The following XPOT variants were observed in gnomAD, a reference collection of about 807,000 sequenced individuals.
XPOT encodes the protein exportin-T.
Under a neutral mutation model 128.2 loss-of-function variants are expected in XPOT, and 34 were observed. The ratio of observed to expected loss-of-function variants is 0.27; its 90% CI spans 0.20 to 0.35. The LOEUF is 0.35. Among genes scored for constraint, XPOT ranks in the 10% least tolerant of loss-of-function variants. XPOT has a pLI of 1.00. For synonymous variants in XPOT, 348 were observed against 394.3 expected (o/e 0.88, Z 1.39); for missense variants, 838 against 1,125.3 (o/e 0.74, Z 3.65).
At chr12:64,437,318 T>C (rs1383621035) in intron 22 of XPOT, among the ~76,000 whole-genome samples, 1 of 152,188 alleles carries the variant, frequency 6.6e-6, no homozygotes, top group Non-Finnish European at 1.5e-5. Context: ...TTAGTGGAGA[T>C]ACATAAAATA....
chr12:64,435,822 A>AT (rs2040277768), intron 22 of XPOT, 148 bp downstream of exon 22: 3 of 681,328 alleles, frequency 4.4e-6, no homozygotes, highest in Non-Finnish European at 6.7e-6. Context: ...AGCAGTATCC[A>AT]TTTATTGTCC....
At chr12:64,422,136 C>T (rs2040144395) in intron 9 of XPOT, among the ~76,000 whole-genome samples, 2 of 152,130 alleles carry the variant, frequency 1.3e-5, no homozygotes, top group Admixed American at 1.3e-4. Flanking sequence ...AAAGTTTCCC[C>T]CACTTCCAGA....
At chr12:64,411,692 C>T (rs1056903993) in intron 2 of XPOT, among the ~76,000 whole-genome samples, 21 of 152,152 alleles carry the variant, frequency 1.4e-4, no homozygotes, top group African/African-American at 5.1e-4. Flanking sequence ...CCTTTTGTTG[C>T]AGTTCGGGAG....
At chr12:64,405,601 T>C (rs1426339320) in intron 1 of XPOT, among the ~76,000 whole-genome samples, 1 of 152,224 alleles carries the variant, frequency 6.6e-6, no homozygotes, top group Admixed American at 6.5e-5. Context: ...GTTTACCGTA[T>C]TGAAACATTT....
chr12:64,428,445 A>G (rs2040211027), intron 16 of XPOT, among the ~76,000 whole-genome samples: 2 of 152,312 alleles, frequency 1.3e-5, no homozygotes, highest in South Asian at 4.1e-4. Context: ...AAAGAAAATA[A>G]AAATTTAAAA....
rs1446646679 is a variant in XPOT, at chr12:64,450,529, A to G, written c.*2398A>G. 1.3e-5 allele frequency: 2 copies of G among 152,222 alleles called. No individual in the cohort carries two copies. The highest frequency in any genetic ancestry group is 1.3e-4 in the Admixed American group (2 of 15,280). The allele number at this position is 152,222 out of a possible 1,614,324, so 9.4% of individuals were successfully genotyped here. A position where few individuals can be genotyped will look rare whatever the true frequency, so the allele number is the denominator to read the frequency against. On this transcript the variant is annotated 3_prime_UTR_variant, in exon 25 of 25. Transcript: ENST00000332707. ...CTCTGCAGAAGATTTACATGTGTTT[A>G]TAGAGCTAAGAGAAATCAGGGCATG...
chr12:64,425,922 T>C lies in XPOT; in HGVS notation c.1667+13T>C. The stretch of plus-strand genomic sequence containing the variant: ...TCAAATCTCTCAAGTAAGTATAAAA[T>C]TGCAGCTATTATGTTTAGTTATTTT... On this transcript the variant is annotated intron_variant, in intron 15 of 24. Coordinates refer to ENST00000332707, the MANE Select transcript of XPOT (RefSeq NM_007235.6). 6.2e-7 allele frequency: 1 copy of C among 1,604,756 alleles called. No individual in the cohort carries two copies. The highest frequency in any genetic ancestry group is 1.3e-5 in the African/African-American group (1 of 74,814).
Position 64,430,132 on chromosome 12 carries a change from A to C in XPOT, c.1821A>C (p.Glu607Asp). 1 of 1,613,954 alleles carries C rather than the reference A, an allele frequency of 6.2e-7. No homozygotes were observed. The highest frequency in any genetic ancestry group is 8.5e-7 in the Non-Finnish European group (1 of 1,179,868). The change falls in exon 17 of 25, where the codon GAA becomes GAC. Residue 607 changes from glutamate (E) to aspartate (D), a missense_variant. Coordinates refer to ENST00000332707, the MANE Select transcript of XPOT (RefSeq NM_007235.6). The part of the protein sequence containing the change: ...ETAGVLIVNS[E>D]YPAERKQALM... Reference sequence around the variant, plus strand: ...CTGGAGTGCTGATTGTTAATAGTGAATATCCGGCAGAAAGGAAACAAGCCT... The same window carrying C: ...CTGGAGTGCTGATTGTTAATAGTGACTATCCGGCAGAAAGGAAACAAGCCT...
intron 2 of XPOT, among the ~76,000 whole-genome samples, chr12:64,410,559 C>T (rs1480081231): frequency 1.3e-5 from 2 of 152,000 alleles, no homozygotes; most frequent in African/African-American, 2.4e-5. Context: ...TGAGCTCAAG[C>T]GATCTGCCCA....
chr12:64,429,521 A>G (rs977995434), intron 16 of XPOT, among the ~76,000 whole-genome samples: 3 of 150,468 alleles, frequency 2.0e-5, no homozygotes, highest in African/African-American at 4.9e-5. Context: ...TTGACTCACT[A>G]CAACTCTACC....
intron 2 of XPOT, among the ~76,000 whole-genome samples, chr12:64,414,291 T>TAA (rs1198398796): frequency 6.6e-6 from 1 of 152,176 alleles, no homozygotes; most frequent in East Asian, 1.9e-4. Context: ...AACTTAGAGA[T>TAA]AAAAAACTTC....
Position 64,445,140 on chromosome 12 carries a change from T to C in XPOT, c.2862+9T>C. On this transcript the variant is annotated intron_variant, in intron 24 of 24. Transcript: ENST00000332707. ...TTAAAAATTACTTAAAGGTAGGTAT[T>C]TGTGAAGCTCACGTATCTTCATACA... 1 of 1,605,626 alleles carries C rather than the reference T, an allele frequency of 6.2e-7. No homozygotes were observed. The highest frequency in any genetic ancestry group is 2.2e-5 in the East Asian group (1 of 44,778).
At chr12:64,436,033 G>A (rs55795513) in intron 22 of XPOT, among the ~76,000 whole-genome samples, 63,779 of 150,902 alleles carry the variant, frequency 0.42, 15,970 homozygotes, top group Non-Finnish European at 0.56. Flanking sequence ...CTCGGCTCAC[G>A]GCGACCCCTG....
Position 64,448,097 on chromosome 12 carries a change from A to G in XPOT, c.2863-8A>G. On this transcript the variant is annotated splice_region_variant and splice_polypyrimidine_tract_variant and intron_variant, in intron 24 of 24. Transcript: ENST00000332707. ...TTAGTATTGATTGCATTAATACTTT[A>G]TTTACAGGTGTTCTTCCAGAGAGCA... 1 of 1,613,540 alleles carries G rather than the reference A, an allele frequency of 6.2e-7. No individual in the cohort carries two copies. Among genetic ancestry groups the G allele is most frequent in the Non-Finnish European group, 8.5e-7 (1 of 1,179,490 alleles).
In XPOT at chr12:64,420,206, T is replaced by G; in HGVS notation, c.626T>G (p.Val209Gly). ...SEVTCQCLEV[V>G]GAYVSWIDLS... Reference sequence around the variant, plus strand: ...GTGACGTGTCAGTGCCTTGAAGTAGTTGGGGCTTATGTCTCTTGGATAGAC... The same window carrying G: ...GTGACGTGTCAGTGCCTTGAAGTAGGTGGGGCTTATGTCTCTTGGATAGAC... The change falls in exon 7 of 25, where the codon GTT becomes GGT. Residue 209 changes from valine to glycine, a missense_variant. Physicochemically the swap from Val to Gly is moderately radical, Grantham distance 109. Transcript: ENST00000332707. The G allele has an allele frequency of 1.2e-6, 2 of 1,610,428 alleles. No homozygotes were observed. Among genetic ancestry groups the G allele is most frequent in the Non-Finnish European group, 1.7e-6 (2 of 1,178,814 alleles).
At chr12:64,447,267 T>C (rs1486485266) in intron 24 of XPOT, among the ~76,000 whole-genome samples, 1 of 152,192 alleles carries the variant, frequency 6.6e-6, no homozygotes, top group African/African-American at 2.4e-5. Context: ...ATCATTGTCC[T>C]TACTGAGAAC....
At position 64,424,698 on chromosome 12, in the gene XPOT, C is replaced by A. The variant is rs552782852; in HGVS notation, c.1282C>A (p.Arg428Ser). The part of the protein sequence containing the change: ...VSPELLLASV[R>S]RVFSSTLQNW... ...ACCAGAGTTACTACTGGCCTCTGTT[C>A]GCAGAGTTTTTAGTTCTACACTGCA... is the stretch of plus-strand genomic sequence containing the variant. The change falls in exon 12 of 25, where the codon CGC (arginine) becomes AGC (serine). Residue 428 changes from arginine (R) to serine (S), a missense_variant. Coordinates refer to ENST00000332707, the MANE Select transcript of XPOT (RefSeq NM_007235.6). 2 of 1,613,588 alleles carry A rather than the reference C, an allele frequency of 1.2e-6. No individual in the cohort carries two copies. Among genetic ancestry groups the A allele is most frequent in the South Asian group, 1.1e-5 (1 of 91,044 alleles).
chr12:64,432,027 T>C (rs2040243481), intron 18 of XPOT, among the ~76,000 whole-genome samples: 1 of 152,182 alleles, frequency 6.6e-6, no homozygotes, highest in Non-Finnish European at 1.5e-5. Context: ...GATGTTTGAA[T>C]ATAAACAGAC....
At chr12:64,427,795 A>G (rs919322089) in intron 15 of XPOT, among the ~76,000 whole-genome samples, 1 of 152,110 alleles carries the variant, frequency 6.6e-6, no homozygotes, top group Admixed American at 6.5e-5. Flanking sequence ...GGCCTGTATT[A>G]TTCTTTACTA....
Sources: gnomAD v4.1 joint callset for allele counts (sites outside exome capture counted in the v4.1 genomes callset) on GRCh38, gnomAD v4.1.1 for gene constraint, MANE v1.5 for transcripts, NCBI Gene and HGNC (gene_info 2026-07-23, HGNC 2026-07-21) for gene names.